The following CACNG5 variants were observed in gnomAD, a reference collection of about 807,000 sequenced individuals.
CACNG5 encodes the protein voltage-dependent calcium channel gamma-5 subunit.
In CACNG5, 18 loss-of-function variants were observed where a neutral mutation model predicts 24.8. That is an observed-to-expected ratio of 0.73 (90% CI 0.50 to 1.08). The LOEUF is 1.08. Among genes scored for constraint, CACNG5 ranks in the 50% least tolerant of loss-of-function variants. The probability of loss-of-function intolerance (pLI) is 0.00; values close to 1 mark genes in which losing one functional copy is unlikely to be tolerated. For synonymous variants in CACNG5, 157 were observed against 149.1 expected, an observed-to-expected ratio of 1.05 and a Z score of -0.39; for missense variants, 349 against 367.9, an observed-to-expected ratio of 0.95 and a Z score of 0.42.
rs753837304 is a variant in CACNG5, at chr17:66,885,003, G to T, written c.591G>T (p.Val197=). The stretch of plus-strand genomic sequence containing the variant: ...TGTAGAGTGCCGGGGTGATGTCTGT[G>T]TACCTGTTTATGAAGCGGTACACCG... ...LLTESAGVMS[V]YLFMKRYTAE... The change falls in exon 6 of 6, where the codon GTG becomes GTT. Residue 197 remains valine, a synonymous_variant. Coordinates refer to ENST00000533854, the MANE Select transcript of CACNG5 (RefSeq NM_145811.3). 3 of 1,614,146 alleles carry T rather than the reference G, an allele frequency of 1.9e-6. No individual in the cohort carries two copies. The highest frequency in any genetic ancestry group is 1.7e-5 in the Admixed American group (1 of 60,028).
chr17:66,878,830 C>A, intron 2 of CACNG5, 142 bp from the exon 3 acceptor site: 1 of 662,776 alleles, frequency 1.5e-6, no homozygotes, highest in Non-Finnish European at 2.6e-6. Flanking sequence ...GGACAGGACC[C>A]CCATAGGGTT....
chr17:66,838,379 A>G (rs939948744), intron 1 of CACNG5, among the ~76,000 whole-genome samples: 1 of 151,404 alleles, frequency 6.6e-6, no homozygotes, highest in African/African-American at 2.4e-5. Flanking sequence ...GTTGTGCACA[A>G]GGTCCTGAGT....
intron 4 of CACNG5, among the ~76,000 whole-genome samples, chr17:66,881,993 C>G (rs1426501644): frequency 6.6e-6 from 1 of 151,972 alleles, no homozygotes; most frequent in African/African-American, 2.4e-5. Flanking sequence ...GATTTTGAGC[C>G]AAGGGATGAC....
intron 1 of CACNG5, among the ~76,000 whole-genome samples, chr17:66,859,757 G>C (rs1294393733): frequency 6.6e-6 from 1 of 152,012 alleles, no homozygotes; most frequent in African/African-American, 2.4e-5. Context: ...ATCATGGAGG[G>C]GGCTGGGCAT....
chr17:66,861,921 T>A (rs77255586), intron 1 of CACNG5, among the ~76,000 whole-genome samples: 14,385 of 152,312 alleles, frequency 0.094, 727 homozygotes, highest in Middle Eastern at 0.15. Context: ...TCCTGCCTTT[T>A]CTAAAGGGTG....
At chr17:66,865,764 G>T (rs1052953765) in intron 1 of CACNG5, among the ~76,000 whole-genome samples, 20 of 151,084 alleles carry the variant, frequency 1.3e-4, no homozygotes, top group Non-Finnish European at 2.5e-4. Flanking sequence ...CGAGTAGCTG[G>T]GACTACAGGC....
chr17:66,835,579 G>C (rs1007021794), intron 1 of CACNG5, among the ~76,000 whole-genome samples: 10 of 152,208 alleles, frequency 6.6e-5, no homozygotes, highest in African/African-American at 2.2e-4. Flanking sequence ...TTTCCACGAC[G>C]GACTTGAATG....
At chr17:66,855,090 G>T (rs753948285) in intron 1 of CACNG5, among the ~76,000 whole-genome samples, 1 of 152,116 alleles carries the variant, frequency 6.6e-6, no homozygotes, top group South Asian at 2.1e-4. Context: ...AACAATTGGC[G>T]TTGCCTAGCA....
chr17:66,851,374 G>T (rs1338642967), intron 1 of CACNG5, among the ~76,000 whole-genome samples: 1 of 152,238 alleles, frequency 6.6e-6, no homozygotes, highest in Non-Finnish European at 1.5e-5. Flanking sequence ...TTCCCATGGG[G>T]ATGGTTGAGG....
chr17:66,891,998 G>A lies in CACNG5; in HGVS notation c.*6758G>A, dbSNP rs1283202511. Among the ~76,000 whole-genome samples the A allele has an allele frequency of 5.3e-5, 8 of 152,252 alleles. No individual in the cohort carries two copies. The highest frequency in any genetic ancestry group is 1.2e-4 in the Non-Finnish European group (8 of 68,042). On this transcript the variant is annotated 3_prime_UTR_variant, in exon 6 of 6. Transcript: ENST00000533854. ...TTAAAGCTCTCCAGATGGTTCTAAT[G>A]TGAAACCAGGGTTGAGAACCACTGG...
Position 66,885,101 on chromosome 17 carries a change from A to G in CACNG5, c.689A>G (p.Gln230Arg). ...AGCAACTGCTCCGATTACTCAGGCC[A>G]GTTCCTACACCCAGACGCCTGGGTC... is the stretch of plus-strand genomic sequence containing the variant. ...RLSNCSDYSG[Q>R]FLHPDAWVRG... The change falls in exon 6 of 6, where the codon CAG becomes CGG. Residue 230 changes from glutamine to arginine, a missense_variant. By Grantham distance (43) the Gln-to-Arg change is conservative. Coordinates refer to ENST00000533854, the MANE Select transcript of CACNG5 (RefSeq NM_145811.3). 1 of 1,614,206 alleles carries G rather than the reference A, an allele frequency of 6.2e-7. No individual in the cohort carries two copies. Among genetic ancestry groups the G allele is most frequent in the Non-Finnish European group, 8.5e-7 (1 of 1,180,034 alleles).
At chr17:66,884,786 A>T (rs1368162709) in intron 5 of CACNG5, 125 bp downstream of exon 5, 4 of 1,613,312 alleles carry the variant, frequency 2.5e-6, no homozygotes, top group Non-Finnish European at 3.4e-6. Flanking sequence ...CACCCACTCT[A>T]CTTCCCTTCC....
intron 1 of CACNG5, among the ~76,000 whole-genome samples, chr17:66,876,534 G>T (rs545208794): frequency 1.3e-5 from 2 of 152,224 alleles, no homozygotes; most frequent in South Asian, 4.1e-4. Flanking sequence ...CCGATACAGC[G>T]TGCTGAGCAG....
intron 3 of CACNG5, among the ~76,000 whole-genome samples, chr17:66,879,775 T>G (rs1176061287): frequency 1.3e-5 from 2 of 152,194 alleles, no homozygotes; most frequent in African/African-American, 4.8e-5. Context: ...TCAACTGAGC[T>G]TTGGTGTCCA....
At chr17:66,857,611 G>T (rs75037198) in intron 1 of CACNG5, among the ~76,000 whole-genome samples, 12,009 of 152,014 alleles carry the variant, frequency 0.079, 594 homozygotes, top group East Asian at 0.13. Flanking sequence ...CATACTTACC[G>T]CATGTCTCAC....
intron 1 of CACNG5, among the ~76,000 whole-genome samples, chr17:66,866,400 A>G (rs1280453131): frequency 6.6e-6 from 1 of 152,132 alleles, no homozygotes; most frequent in Non-Finnish European, 1.5e-5. Flanking sequence ...CTCCCAAAGC[A>G]CTGGGATTAG....
intron 1 of CACNG5, among the ~76,000 whole-genome samples, chr17:66,864,265 C>G (rs890721995): frequency 6.6e-6 from 1 of 152,120 alleles, no homozygotes; most frequent in Non-Finnish European, 1.5e-5. Flanking sequence ...CTTCCCAGAC[C>G]CCCATTTGAA....
chr17:66,877,359 G>C lies in CACNG5; in HGVS notation c.27G>C (p.Leu9=). MSACGRKA[L]TLLSSVFAVC... Reference sequence around the variant, plus strand: ...TGAGTGCCTGCGGGAGGAAGGCCCTGACCCTGCTGAGCAGTGTCTTTGCTG... The same window carrying C: ...TGAGTGCCTGCGGGAGGAAGGCCCTCACCCTGCTGAGCAGTGTCTTTGCTG... Residue 9 remains leucine (L), a synonymous_variant, in exon 2 of 6, where the codon CTG becomes CTC. Transcript: ENST00000533854. 1 of 1,614,136 alleles carries C rather than the reference G, an allele frequency of 6.2e-7. No homozygotes were observed. The highest frequency in any genetic ancestry group is 8.5e-7 in the Non-Finnish European group (1 of 1,180,004).
chr17:66,877,490 C>T lies in CACNG5; in HGVS notation c.158C>T (p.Ser53Phe), dbSNP rs1347496461. ...AACCAGAGCACCGAGATCAAGATGT[C>T]CCTGCACTCAGGCCTCTGGCGGGTC... is the stretch of plus-strand genomic sequence containing the variant. ...PQNQSTEIKM[S>F]LHSGLWRVCF... The change falls in exon 2 of 6, where the codon TCC becomes TTC. Residue 53 changes from serine to phenylalanine, a missense_variant. By Grantham distance (155) the Ser-to-Phe change is radical (BLOSUM62 -2). Transcript: ENST00000533854. 6.2e-7 allele frequency: 1 copy of T among 1,613,960 alleles called. No homozygotes were observed. The highest frequency in any genetic ancestry group is 8.5e-7 in the Non-Finnish European group (1 of 1,179,984).
Sources: gnomAD v4.1 joint callset for allele counts (sites outside exome capture counted in the v4.1 genomes callset) on GRCh38, gnomAD v4.1.1 for gene constraint, MANE v1.5 for transcripts, NCBI Gene and HGNC (gene_info 2026-07-23, HGNC 2026-07-21) for gene names.